Variants in SIPA1L1 observed in about 807,000 individuals in gnomAD.
SIPA1L1 encodes the protein signal-induced proliferation-associated 1-like protein 1.
SIPA1L1 carries 26 observed loss-of-function variants against 162.7 expected under a neutral mutation model. That is an observed-to-expected ratio of 0.16 (90% CI 0.12 to 0.22). The LOEUF is 0.22. SIPA1L1 is among the 10% of genes least tolerant of loss of function. The pLI, the probability that SIPA1L1 is intolerant of heterozygous loss-of-function variation, is 1.00. For missense variants in SIPA1L1, 1,874 were observed against 2,241.0 expected, an observed-to-expected ratio of 0.84 and a Z score of 3.31; for synonymous variants, 829 against 837.4, an observed-to-expected ratio of 0.99 and a Z score of 0.17.
rs1031905566 is a variant in SIPA1L1 at position 71,588,783 on chromosome 14, G to A, written c.911G>A (p.Gly304Asp). The change falls in exon 5 of 24, where the codon GGT becomes GAT. Residue 304 changes from glycine (G) to aspartate (D), a missense_variant. Physicochemically the swap from Gly to Asp is moderately conservative, Grantham distance 94 (BLOSUM62 -1). Transcript: ENST00000381232. This position sits in a 1 kb window ranked among gnomAD's most constrained non-coding sequence, Gnocchi z 4.3. ...SIFRKLRNAK[G>D]EELGKSSDLE... ...TTTCGTAAATTGCGCAATGCCAAAG[G>A]TGAAGAACTTGGGAAGTCATCAGAT... is the stretch of plus-strand genomic sequence containing the variant. The A allele has an allele frequency of 5.0e-6, 8 of 1,613,966 alleles. No individual in the cohort carries two copies. In the Admixed American group the frequency reaches 1.2e-4, roughly 24 times the overall value.
chr14:71,362,140 G>GT (rs1168865354), intron 2 of SIPA1L1, among the ~76,000 whole-genome samples: 1 of 152,224 alleles, frequency 6.6e-6, no homozygotes, highest in Non-Finnish European at 1.5e-5. Context: ...GAGCCGGCAT[G>GT]TGTGTTGCCA....
chr14:71,380,656 G>A (rs1359237498), intron 2 of SIPA1L1, among the ~76,000 whole-genome samples: 1 of 152,204 alleles, frequency 6.6e-6, no homozygotes, highest in Non-Finnish European at 1.5e-5. Context: ...TCTATGCAAT[G>A]TCAGGGTTGG....
At position 71,732,322 on chromosome 14, in the gene SIPA1L1, CTGTGTGTT is replaced by C. The variant is rs551523544; in HGVS notation, c.4862-1341_4862-1334del. Among the ~76,000 whole-genome samples the C allele has an allele frequency of 2.0e-5, 3 of 152,290 alleles. No individual in the cohort carries two copies. In the East Asian group the frequency reaches 5.8e-4, roughly 29 times the overall value. ...ATTCTAGCTGAGCATTTAGCTTTAG[CTGTGTGTT>C]TGCATGGACCTGAGTGTCGCAGTCA... On this transcript the variant is annotated intron_variant, in intron 20 of 23. Coordinates refer to ENST00000381232, the MANE Select transcript of SIPA1L1 (RefSeq NM_001386936.1).
At chr14:71,662,162 T>G (rs140775416) in intron 10 of SIPA1L1, among the ~76,000 whole-genome samples, 2 of 152,242 alleles carry the variant, frequency 1.3e-5, no homozygotes, top group Non-Finnish European at 2.9e-5. Context: ...TTTCAAAATA[T>G]GGACATTTGG....
chr14:71,538,617 C>T (rs1353360294), intron 4 of SIPA1L1, among the ~76,000 whole-genome samples: 1 of 152,172 alleles, frequency 6.6e-6, no homozygotes, highest in Non-Finnish European at 1.5e-5. Context: ...GTAATAGCGG[C>T]AGGGTCATGG....
At chr14:71,423,723 A>G (rs1212657939) in intron 2 of SIPA1L1, among the ~76,000 whole-genome samples, 2 of 152,100 alleles carry the variant, frequency 1.3e-5, no homozygotes, top group Non-Finnish European at 2.9e-5. Flanking sequence ...GCGTTGTAGT[A>G]AGTTTTGAAA....
chr14:71,469,966 T>C (rs1025958895), intron 2 of SIPA1L1, among the ~76,000 whole-genome samples: 10 of 152,182 alleles, frequency 6.6e-5, no homozygotes, highest in Non-Finnish European at 1.0e-4. Context: ...TTGCCAGTCC[T>C]GAGCCTGGGG....
chr14:71,477,442 T>G (rs2047966479), intron 2 of SIPA1L1, among the ~76,000 whole-genome samples: 1 of 152,138 alleles, frequency 6.6e-6, no homozygotes, highest in Admixed American at 6.5e-5. Flanking sequence ...GATAGTGTTC[T>G]CTCTGGGATG....
chr14:71,685,656 T>G, intron 13 of SIPA1L1, 25 bp downstream of exon 13: 1 of 1,610,986 alleles, frequency 6.2e-7, no homozygotes, highest in Non-Finnish European at 8.5e-7. Context: ...AAAGGTTTGC[T>G]CTATCTCTCT....
chr14:71,439,680 TTA>T (rs1445257193), intron 2 of SIPA1L1, among the ~76,000 whole-genome samples: 5 of 152,240 alleles, frequency 3.3e-5, no homozygotes, highest in Non-Finnish European at 7.3e-5. Flanking sequence ...CCCTACATTT[TTA>T]GTTTCAGTTC....
chr14:71,732,031 G>A (rs2084839227), intron 20 of SIPA1L1, among the ~76,000 whole-genome samples: 1 of 152,220 alleles, frequency 6.6e-6, no homozygotes, highest in Admixed American at 6.5e-5. Context: ...GTTACACACA[G>A]AATTATCTCC....
intron 7 of SIPA1L1, among the ~76,000 whole-genome samples, chr14:71,644,225 CTTTT>C (rs1423015496): frequency 6.6e-6 from 1 of 151,258 alleles, no homozygotes; most frequent in East Asian, 2.0e-4. Context: ...ATGAATCTTT[CTTTT>C]CCTTTTTCTT....
At chr14:71,667,936 G>A (rs1256632003) in intron 10 of SIPA1L1, among the ~76,000 whole-genome samples, 1 of 151,994 alleles carries the variant, frequency 6.6e-6, no homozygotes, top group African/African-American at 2.4e-5. Flanking sequence ...GAGATGGCGG[G>A]CCCCTGTAGT....
intron 1 of SIPA1L1, among the ~76,000 whole-genome samples, chr14:71,320,753 C>T (rs1594784263): frequency 6.6e-6 from 1 of 151,514 alleles, no homozygotes; most frequent in South Asian, 2.1e-4. Flanking sequence ...AGCCCGGACC[C>T]CCGCACTTGC....
chr14:71,716,345 G>GT (rs2083273039), intron 17 of SIPA1L1, among the ~76,000 whole-genome samples: 1 of 152,090 alleles, frequency 6.6e-6, no homozygotes, highest in Non-Finnish European at 1.5e-5. Context: ...CCTCTCCTTG[G>GT]TATTAGACCA....
intron 8 of SIPA1L1, among the ~76,000 whole-genome samples, chr14:71,651,657 T>C (rs763496390): frequency 2.0e-5 from 3 of 152,188 alleles, no homozygotes; most frequent in South Asian, 2.1e-4. Context: ...GTATAAATTA[T>C]CACTACCACA....
chr14:71,641,280 T>TAA (rs764035937), intron 7 of SIPA1L1, among the ~76,000 whole-genome samples: 7 of 100,816 alleles, frequency 6.9e-5, no homozygotes, highest in Non-Finnish European at 1.5e-4. Flanking sequence ...CAAGATAATC[T>TAA]AAAAAAAAAA....
At chr14:71,408,196 T>C (rs2042161862) in intron 2 of SIPA1L1, among the ~76,000 whole-genome samples, 1 of 152,226 alleles carries the variant, frequency 6.6e-6, no homozygotes, top group Non-Finnish European at 1.5e-5. Context: ...TTTTAGTTTT[T>C]AGAAATCAGT....
At chr14:71,445,295 TGA>T (rs1393951723) in intron 2 of SIPA1L1, among the ~76,000 whole-genome samples, 2 of 152,190 alleles carry the variant, frequency 1.3e-5, no homozygotes, top group Non-Finnish European at 2.9e-5. Flanking sequence ...GAGGCCTTGG[TGA>T]GAGAGTAGGA....
Sources: allele counts gnomAD v4.1 joint callset (sites outside exome capture counted in the v4.1 genomes callset), GRCh38; gene constraint gnomAD v4.1.1; non-coding constraint Gnocchi (gnomAD v3.1); transcripts MANE v1.5; gene names NCBI Gene and HGNC (gene_info 2026-07-23, HGNC 2026-07-21).